Variants in NOL4 observed in about 807,000 individuals in gnomAD.
NOL4 encodes cancer/testis antigen 125.
In NOL4, 17 loss-of-function variants were observed where a neutral mutation model predicts 75.9. That is an observed-to-expected ratio of 0.22 (90% CI 0.15 to 0.34). The LOEUF is 0.34. NOL4 is among the 10% of genes least tolerant of loss of function. NOL4 has a pLI of 1.00. For synonymous variants in NOL4, 292 were observed against 289.9 expected (o/e 1.01, Z -0.07); for missense variants, 614 against 793.5 (o/e 0.77, Z 2.72).
At chr18:34,018,299 C>T (rs2144408894) in intron 6 of NOL4, among the ~76,000 whole-genome samples, 1 of 152,240 alleles carries the variant, frequency 6.6e-6, no homozygotes. Context: ...ACATTTGCCA[C>T]AGCAAAAGTT....
chr18:33,897,221 G>A (rs2144918380), intron 9 of NOL4, among the ~76,000 whole-genome samples: 1 of 152,180 alleles, frequency 6.6e-6, no homozygotes, highest in African/African-American at 2.4e-5. Context: ...TCCTCAAAGA[G>A]CTAAAAGCAG....
At chr18:33,968,187 T>C (rs1805281605) in intron 6 of NOL4, among the ~76,000 whole-genome samples, 1 of 152,162 alleles carries the variant, frequency 6.6e-6, no homozygotes, top group South Asian at 2.1e-4. Flanking sequence ...TTGATAGGAA[T>C]GTAAATGAGT....
intron 6 of NOL4, among the ~76,000 whole-genome samples, chr18:33,996,878 C>CAT (rs2073326763): frequency 6.7e-6 from 1 of 149,272 alleles, no homozygotes; most frequent in Non-Finnish European, 1.5e-5. Flanking sequence ...CATACAGGTA[C>CAT]ATATGTCTTT....
intron 1 of NOL4, among the ~76,000 whole-genome samples, chr18:34,189,765 C>A (rs2034772048): frequency 6.6e-6 from 1 of 151,770 alleles, no homozygotes; most frequent in Non-Finnish European, 1.5e-5. Context: ...TATTTTGAGT[C>A]CTCATTTGCA....
chr18:34,014,904 C>T (rs905617710), intron 6 of NOL4, among the ~76,000 whole-genome samples: 5 of 152,070 alleles, frequency 3.3e-5, no homozygotes, highest in African/African-American at 9.6e-5. Flanking sequence ...TTTTTCAATG[C>T]TTTATAATCA....
At position 34,205,359 on chromosome 18, in the gene NOL4, C is replaced by T. The variant is rs546672499; in HGVS notation, c.264+17631G>A. Among the ~76,000 whole-genome samples, 8 of 152,218 alleles carry T rather than the reference C, an allele frequency of 5.3e-5. No homozygotes were observed. In the Middle Eastern group the frequency reaches 0.01, roughly 194 times the overall value. ...TCCCGAGAAGTAGCTCTGCTTTCTA[C>T]GCCTCCCCAGTGTGTAAGAATTCTA... On this transcript the variant is annotated intron_variant, in intron 1 of 10. Coordinates refer to ENST00000261592, the MANE Select transcript of NOL4 (RefSeq NM_003787.5).
At chr18:34,048,523 T>G (rs1219460444) in intron 5 of NOL4, 49 of 985,264 alleles carry the variant, frequency 5.0e-5, no homozygotes, top group Non-Finnish European at 5.5e-5. Context: ...TCAGGCGAGG[T>G]CCAACCTTTC....
At chr18:33,874,492 C>T (rs1368941186) in intron 10 of NOL4, among the ~76,000 whole-genome samples, 2 of 151,828 alleles carry the variant, frequency 1.3e-5, no homozygotes, top group Non-Finnish European at 2.9e-5. Context: ...GTGAAGATCC[C>T]CTAAGAGGCT....
intron 9 of NOL4, among the ~76,000 whole-genome samples, chr18:33,912,146 G>T (rs1394569592): frequency 6.6e-6 from 1 of 152,040 alleles, no homozygotes; most frequent in Admixed American, 6.6e-5. Flanking sequence ...TCTAATTGAT[G>T]TCACCCTATA....
intron 9 of NOL4, among the ~76,000 whole-genome samples, chr18:33,898,096 A>G (rs995710825): frequency 2.0e-5 from 3 of 152,058 alleles, no homozygotes; most frequent in Non-Finnish European, 2.9e-5. Flanking sequence ...TAATTTTTGT[A>G]GAGACAAGGC....
At chr18:33,986,087 A>G (rs2072428338) in intron 6 of NOL4, among the ~76,000 whole-genome samples, 1 of 152,164 alleles carries the variant, frequency 6.6e-6, no homozygotes, top group African/African-American at 2.4e-5. Context: ...AAATCAAGGA[A>G]GAAAAGCAAG....
At chr18:33,968,076 A>T (rs1306569687) in intron 6 of NOL4, among the ~76,000 whole-genome samples, 1 of 151,888 alleles carries the variant, frequency 6.6e-6, no homozygotes, top group East Asian at 1.9e-4. Flanking sequence ...ACAGAGTGAG[A>T]CTCCATCTCA....
At chr18:34,140,299 A>T (rs1313831073) in intron 1 of NOL4, among the ~76,000 whole-genome samples, 3 of 152,052 alleles carry the variant, frequency 2.0e-5, no homozygotes, top group Non-Finnish European at 2.9e-5. Flanking sequence ...TCCAACTATT[A>T]TTGTGTGGGA....
intron 1 of NOL4, among the ~76,000 whole-genome samples, chr18:34,198,086 T>C (rs574265639): frequency 6.2e-4 from 94 of 151,956 alleles, no homozygotes; most frequent in Non-Finnish European, 8.6e-4. Flanking sequence ...CTGTTGAACA[T>C]CAAAGAAAAT....
intron 9 of NOL4, 40 bp from the exon 10 acceptor site, chr18:33,883,464 A>T: frequency 6.5e-7 from 1 of 1,530,600 alleles, no homozygotes; most frequent in Non-Finnish European, 8.8e-7. Flanking sequence ...ATCACCTCAC[A>T]GTGCTATTTC....
chr18:33,872,317 C>T (rs1157546542), intron 10 of NOL4, among the ~76,000 whole-genome samples: 1 of 151,920 alleles, frequency 6.6e-6, no homozygotes, highest in Non-Finnish European at 1.5e-5. Context: ...TTTTCAATGC[C>T]TACATTATAA....
At chr18:34,033,865 G>A (rs549350368) in intron 5 of NOL4, among the ~76,000 whole-genome samples, 3 of 152,062 alleles carry the variant, frequency 2.0e-5, no homozygotes, top group East Asian at 3.9e-4. Context: ...GAAATCTTAT[G>A]GGCCAGTAGA....
chr18:34,048,527 A>C, intron 5 of NOL4: 1 of 985,434 alleles, frequency 1.0e-6, no homozygotes, highest in South Asian at 4.7e-5. Context: ...GCGAGGTCCA[A>C]CCTTTCTCTC....
chr18:34,111,053 A>C (rs1238409756), intron 2 of NOL4, among the ~76,000 whole-genome samples: 1 of 152,200 alleles, frequency 6.6e-6, no homozygotes, highest in African/African-American at 2.4e-5. Context: ...CACAAAGAGA[A>C]GGGATAATCT....
Sources: allele counts gnomAD v4.1 joint callset (sites outside exome capture counted in the v4.1 genomes callset), GRCh38; gene constraint gnomAD v4.1.1; transcripts MANE v1.5; gene names NCBI Gene and HGNC (gene_info 2026-07-23, HGNC 2026-07-21).